Variants in LAMTOR3 observed in about 807,000 individuals in gnomAD.
The protein encoded by LAMTOR3 is ragulator complex protein LAMTOR3.
A neutral mutation model predicts 20.3 loss-of-function variants in LAMTOR3; 14 were observed. The observed-to-expected ratio is 0.69, with a 90% confidence interval of 0.46 to 1.08. The LOEUF (loss-of-function observed/expected upper bound fraction) is 1.08, where lower values mean the gene tolerates loss of function less well. LAMTOR3 is among the 50% of genes least tolerant of loss of function. The probability of loss-of-function intolerance (pLI) is 0.00; values close to 1 mark genes in which losing one functional copy is unlikely to be tolerated. For synonymous variants in LAMTOR3, 40 were observed against 49.4 expected (o/e 0.81, Z 0.80); for missense variants, 125 against 143.7 (o/e 0.87, Z 0.67).
chr4:99,882,747 T>G (rs1434601251), intron 6 of LAMTOR3, among the ~76,000 whole-genome samples: 1 of 152,024 alleles, frequency 6.6e-6, no homozygotes, highest in African/African-American at 2.4e-5. Context: ...AAATTTATTT[T>G]TATAAATTTG....
Position 99,881,904 on chromosome 4 carries a change from G to T in LAMTOR3, c.*90C>A. On this transcript the variant is annotated 3_prime_UTR_variant, in exon 7 of 7. Coordinates refer to ENST00000499666, the MANE Select transcript of LAMTOR3 (RefSeq NM_021970.4). ...AAAAGGGGCCCTTTCTTGAGCACAT[G>T]GATAAAAGTATTATTGTAGTCTAAA... The T allele has an allele frequency of 1.1e-6, 1 of 897,638 alleles. No homozygotes were observed. Among genetic ancestry groups the T allele is most frequent in the Non-Finnish European group, 1.8e-6 (1 of 561,050 alleles). The allele number at this position is 897,638 out of a possible 1,614,324, so 55.6% of individuals were successfully genotyped here. A position where few individuals can be genotyped will look rare whatever the true frequency, so the allele number is the denominator to read the frequency against.
At chr4:99,885,906 A>G (rs1424479451) in intron 4 of LAMTOR3, among the ~76,000 whole-genome samples, 1 of 152,212 alleles carries the variant, frequency 6.6e-6, no homozygotes, top group Non-Finnish European at 1.5e-5. Flanking sequence ...ATTTTTTTAA[A>G]TTTTAAAAAG....
intron 5 of LAMTOR3, among the ~76,000 whole-genome samples, chr4:99,884,881 C>T (rs1329726269): frequency 6.6e-6 from 1 of 151,902 alleles, no homozygotes; most frequent in African/African-American, 2.4e-5. Context: ...GTGAGAATCA[C>T]TTGAACCTGA....
chr4:99,886,558 TAAG>T (rs933305426), intron 4 of LAMTOR3, among the ~76,000 whole-genome samples: 1 of 152,222 alleles, frequency 6.6e-6, no homozygotes, highest in African/African-American at 2.4e-5. Context: ...TTAAAACTGC[TAAG>T]AAGTCCAAGT....
intron 4 of LAMTOR3, among the ~76,000 whole-genome samples, chr4:99,886,374 C>T (rs1421327305): frequency 1.3e-5 from 2 of 152,150 alleles, no homozygotes; most frequent in South Asian, 2.1e-4. Flanking sequence ...GACTCATGTC[C>T]GACTTTGGAC....
Position 99,883,356 on chromosome 4 carries a change from A to G in LAMTOR3, c.301+706T>C, listed in dbSNP as rs906652136. 1.6e-4 allele frequency among the ~76,000 whole-genome samples: 25 copies of G among 152,124 alleles called. 1 individual carries two copies. The highest frequency in any genetic ancestry group is 5.3e-4 in the African/African-American group (22 of 41,568). On this transcript the variant is annotated intron_variant, in intron 6 of 6. Coordinates refer to ENST00000499666, the MANE Select transcript of LAMTOR3 (RefSeq NM_021970.4). ...AGAAAAAAATATATTACAATTCTCA[A>G]CAGCAATCAAATCTAAAGGAGACAG...
chr4:99,885,167 G>A (rs932093676), intron 5 of LAMTOR3, among the ~76,000 whole-genome samples: 2 of 151,996 alleles, frequency 1.3e-5, no homozygotes, highest in Admixed American at 1.3e-4. Context: ...TTAGCAGCAA[G>A]AGCAAATTTA....
At position 99,885,565 on chromosome 4, in the gene LAMTOR3, T is replaced by G. The variant is rs1578202660; in HGVS notation, c.214A>C (p.Ile72Leu). ...ACCTGGTAGGTGTTATAGTAACAGATGATACTTTTATTTTTGGAAAGTCCA... is the reference window on the plus strand; with the variant it reads ...ACCTGGTAGGTGTTATAGTAACAGAGGATACTTTTATTTTTGGAAAGTCCA... ...KLGLSKNKSI[I>L]CYYNTYQVVQ... Residue 72 changes from isoleucine (I) to leucine (L), a missense_variant, in exon 5 of 7, where the codon ATC (isoleucine) becomes CTC (leucine). Transcript: ENST00000499666. 1 of 1,612,702 alleles carries G rather than the reference T, an allele frequency of 6.2e-7. No homozygotes were observed.
In LAMTOR3 at chr4:99,879,627, CAT is replaced by C. The variant is rs1180939039; in HGVS notation, c.*2365_*2366del. On this transcript the variant is annotated 3_prime_UTR_variant, in exon 7 of 7. Transcript: ENST00000499666. ...TTCAATTGTAACAATTAACTACAGTCATGTGTTACGTAACAATGTGGATACAT... is the reference window on the plus strand; with the variant it reads ...TTCAATTGTAACAATTAACTACAGTCGTGTTACGTAACAATGTGGATACAT... 1 of 152,032 alleles carries C rather than the reference CAT, an allele frequency of 6.6e-6. No individual in the cohort carries two copies. The highest frequency in any genetic ancestry group is 1.5e-5 in the Non-Finnish European group (1 of 68,004). The allele number at this position is 152,032 out of a possible 1,614,324, so 9.4% of individuals were successfully genotyped here.
At chr4:99,893,271 C>T (rs1259841508) in intron 2 of LAMTOR3, among the ~76,000 whole-genome samples, 1 of 152,120 alleles carries the variant, frequency 6.6e-6, no homozygotes, top group African/African-American at 2.4e-5. Flanking sequence ...ATCTCGGCCT[C>T]CCAAAGTGCT....
intron 2 of LAMTOR3, among the ~76,000 whole-genome samples, chr4:99,892,639 T>G (rs903960870): frequency 6.6e-6 from 1 of 151,974 alleles, no homozygotes; most frequent in African/African-American, 2.4e-5. Flanking sequence ...ATATTTTGTT[T>G]AAGGACCTAA....
In LAMTOR3 at chr4:99,885,634, A is replaced by C. The variant is rs1724908976; in HGVS notation, c.145T>G (p.Phe49Val). ...NAPEHALRPG[F>V]LSTFALATDQ... The stretch of plus-strand genomic sequence containing the variant: ...GTTGCAAGGGCAAAAGTGGATAAGA[A>C]ACCAGGTCGCAAAGCATGCTCTGGA... Residue 49 changes from phenylalanine (F) to valine (V), a missense_variant, in exon 5 of 7, where the codon TTC (phenylalanine) becomes GTC (valine). Phe to Val is a conservative substitution (Grantham distance 50). Transcript: ENST00000499666. 1 of 1,613,494 alleles carries C rather than the reference A, an allele frequency of 6.2e-7. No individual in the cohort carries two copies. Among genetic ancestry groups the C allele is most frequent in the African/African-American group, 1.3e-5 (1 of 75,004 alleles).
In LAMTOR3 at chr4:99,886,936, A is replaced by C. The variant is rs112076549; in HGVS notation, c.103+360T>G. Among the ~76,000 whole-genome samples the C allele has an allele frequency of 3.8e-3, 476 of 124,654 alleles. 4 individuals carry two copies. Among genetic ancestry groups the C allele is most frequent in the African/African-American group, 0.013 (459 of 35,994 alleles). 81.8% of individuals were successfully genotyped at this position (124,654 alleles called of 152,430 possible). ...GTGTGGTATGTATATATATACACAC[A>C]CACATATATATATAGTAGGGGTGTC... On this transcript the variant is annotated intron_variant, in intron 4 of 6. Coordinates refer to ENST00000499666, the MANE Select transcript of LAMTOR3 (RefSeq NM_021970.4).
chr4:99,891,919 T>G (rs1429845833), intron 3 of LAMTOR3, 81 bp downstream of exon 3: 43 of 1,511,222 alleles, frequency 2.8e-5, no homozygotes, highest in Non-Finnish European at 3.8e-5. Context: ...CTTCACAACA[T>G]GGAAAATACA....
intron 6 of LAMTOR3, 26 bp downstream of exon 6, chr4:99,884,036 G>C (rs747388976): frequency 2.0e-6 from 3 of 1,466,676 alleles, no homozygotes; most frequent in Non-Finnish European, 2.8e-6. Flanking sequence ...AAGGATTAAA[G>C]TGATATTTAA....
chr4:99,893,966 T>C lies in LAMTOR3; in HGVS notation c.-3A>G, dbSNP rs1029962726. On this transcript the variant is annotated 5_prime_UTR_variant, in exon 2 of 7. Coordinates refer to ENST00000499666, the MANE Select transcript of LAMTOR3 (RefSeq NM_021970.4). ...GGGGTGTCACTCACATCCGCCATGA[T>C]GAACCCCCTTCTCTCGCAGGATCAA... 3 of 1,547,478 alleles carry C rather than the reference T, an allele frequency of 1.9e-6. No individual in the cohort carries two copies. Among genetic ancestry groups the C allele is most frequent in the African/African-American group, 1.4e-5 (1 of 72,140 alleles).
chr4:99,886,941 T>C (rs1057269802), intron 4 of LAMTOR3, among the ~76,000 whole-genome samples: 5 of 152,042 alleles, frequency 3.3e-5, no homozygotes, highest in South Asian at 2.1e-4. Flanking sequence ...CACACACACA[T>C]ATATATATAG....
At chr4:99,891,816 T>C (rs546503988) in intron 3 of LAMTOR3, among the ~76,000 whole-genome samples, 184 bp downstream of exon 3, 15 of 152,278 alleles carry the variant, frequency 9.9e-5, no homozygotes, top group African/African-American at 2.9e-4. Context: ...GGCAAACTTA[T>C]TGACATAAAT....
chr4:99,883,585 C>T (rs184221197), intron 6 of LAMTOR3, among the ~76,000 whole-genome samples: 132 of 152,088 alleles, frequency 8.7e-4, no homozygotes, highest in African/African-American at 3.0e-3. Flanking sequence ...TCATCCTATT[C>T]ATGCTCTTTA....
Sources: allele counts gnomAD v4.1 joint callset (sites outside exome capture counted in the v4.1 genomes callset), GRCh38; gene constraint gnomAD v4.1.1; transcripts MANE v1.5; gene names NCBI Gene and HGNC (gene_info 2026-07-23, HGNC 2026-07-21).